Variants in MED13 observed in about 807,000 individuals in gnomAD.
MED13 encodes the protein mediator of RNA polymerase II transcription subunit 13.
A neutral mutation model predicts 225.2 loss-of-function variants in MED13; 23 were observed. The observed-to-expected ratio is 0.10, with a 90% confidence interval of 0.07 to 0.14. The LOEUF (loss-of-function observed/expected upper bound fraction) is 0.14, where lower values mean the gene tolerates loss of function less well. Among genes scored for constraint, MED13 ranks in the 10% least tolerant of loss-of-function variants. The pLI is 1.00. For synonymous variants in MED13, 942 were observed against 889.2 expected, an observed-to-expected ratio of 1.06 and a Z score of -1.06; for missense variants, 2,197 against 2,594.5, an observed-to-expected ratio of 0.85 and a Z score of 3.33.
rs549893917 is a variant in MED13, at chr17:62,029,705, C to T, written c.1173-54G>A. The T allele has an allele frequency of 4.5e-6, 7 of 1,541,296 alleles. No homozygotes were observed. The African/African-American group carries it at 9.6e-5, about 21-fold the overall frequency. ...AAATTCATAAAATTTTCTATCAAAC[C>T]TCAATGTAGCATTGAAATTAATTTT... On this transcript the variant is annotated intron_variant, in intron 7 of 29. Transcript: ENST00000397786.
At chr17:62,050,997 T>A (rs1340157680) in intron 3 of MED13, among the ~76,000 whole-genome samples, 1 of 152,170 alleles carries the variant, frequency 6.6e-6, no homozygotes, top group Non-Finnish European at 1.5e-5. Context: ...AGAGTGAGAC[T>A]TTGTCTCAAA....
chr17:62,058,520 C>CA (rs751957495), intron 2 of MED13, among the ~76,000 whole-genome samples: 2,598 of 52,374 alleles, frequency 0.05, 90 homozygotes, highest in African/African-American at 0.063. Flanking sequence ...GACTTCATCT[C>CA]AAAAAAAAAA....
chr17:62,020,559 T>C (rs2080630743), intron 8 of MED13, among the ~76,000 whole-genome samples: 1 of 151,980 alleles, frequency 6.6e-6, no homozygotes, highest in African/African-American at 2.4e-5. Flanking sequence ...TTTTGTACTT[T>C]TAGTAGAGAT....
At chr17:61,975,781 C>G (rs779143924) in intron 16 of MED13, among the ~76,000 whole-genome samples, 1 of 151,980 alleles carries the variant, frequency 6.6e-6, no homozygotes, top group Non-Finnish European at 1.5e-5. Context: ...TTTGGGAGGC[C>G]GAGGCAGGCA....
At chr17:61,946,850 T>G in intron 29 of MED13, 67 bp downstream of exon 29, 1 of 1,425,342 alleles carries the variant, frequency 7.0e-7, no homozygotes, top group East Asian at 2.3e-5. Context: ...GAGAAAAATA[T>G]ATAAGAATCA....
intron 26 of MED13, among the ~76,000 whole-genome samples, chr17:61,954,859 G>T (rs144919108): frequency 6.6e-6 from 1 of 152,278 alleles, no homozygotes; most frequent in African/African-American, 2.4e-5. Context: ...AAGAATGATT[G>T]TATTAGTTTC....
chr17:62,060,054 G>A (rs1402279649), intron 2 of MED13, among the ~76,000 whole-genome samples: 3 of 152,116 alleles, frequency 2.0e-5, no homozygotes, highest in Non-Finnish European at 4.4e-5. Context: ...CACTTTGGGA[G>A]GCCGAGGCGG....
chr17:61,960,214 G>A (rs2079987082), intron 23 of MED13, among the ~76,000 whole-genome samples: 1 of 151,988 alleles, frequency 6.6e-6, no homozygotes, highest in Non-Finnish European at 1.5e-5. Context: ...AAATAACTGG[G>A]CGTGATATTT....
chr17:61,951,106 A>C (rs983982995), intron 27 of MED13, 108 bp from the exon 28 acceptor site: 5 of 775,826 alleles, frequency 6.4e-6, no homozygotes, highest in Admixed American at 3.3e-5. Flanking sequence ...TATGACATCG[A>C]TTTAATAAAA....
At chr17:62,011,450 C>T (rs2080508246) in intron 8 of MED13, among the ~76,000 whole-genome samples, 1 of 152,130 alleles carries the variant, frequency 6.6e-6, no homozygotes, top group Admixed American at 6.5e-5. Context: ...CCAATTATCT[C>T]ATGCTCATTT....
intron 8 of MED13, among the ~76,000 whole-genome samples, chr17:62,013,262 C>G (rs993993080): frequency 1.3e-5 from 2 of 152,078 alleles, no homozygotes; most frequent in African/African-American, 4.8e-5. Flanking sequence ...AGACCATTAT[C>G]TCTTAAGAAC....
intron 3 of MED13, among the ~76,000 whole-genome samples, chr17:62,043,507 T>C (rs941390226): frequency 2.2e-4 from 34 of 152,284 alleles, no homozygotes; most frequent in African/African-American, 7.9e-4. Context: ...CTTCTTGCCT[T>C]TGAGATTCTA....
intron 7 of MED13, 42 bp downstream of exon 7, chr17:62,029,809 T>A: frequency 2.6e-6 from 4 of 1,556,092 alleles, no homozygotes; most frequent in Non-Finnish European, 3.5e-6. Flanking sequence ...TATAAGTAAT[T>A]ATCAACATGC....
chr17:61,985,151 A>G, intron 12 of MED13, 61 bp from the exon 13 acceptor site: 4 of 1,361,718 alleles, frequency 2.9e-6, no homozygotes, highest in Non-Finnish European at 4.2e-6. Flanking sequence ...TCAAAATAGT[A>G]ATCATTCAGA....
At chr17:62,021,357 G>A (rs1169350613) in intron 8 of MED13, among the ~76,000 whole-genome samples, 3 of 141,388 alleles carry the variant, frequency 2.1e-5, no homozygotes, top group Admixed American at 7.0e-5. Context: ...GTGGCTGGCC[G>A]GGCGGGGGGC....
intron 4 of MED13, 150 bp from the exon 5 acceptor site, chr17:62,034,134 C>T (rs1450291489): frequency 1.5e-6 from 1 of 661,912 alleles, no homozygotes; most frequent in Admixed American, 2.9e-5. Flanking sequence ...ACTTATTATA[C>T]TTCGTTACTG....
intron 9 of MED13, among the ~76,000 whole-genome samples, chr17:61,999,821 C>T (rs958878199): frequency 6.6e-6 from 1 of 152,060 alleles, no homozygotes. Context: ...CTTTGGGAGG[C>T]CAAGGTAGTA....
chr17:62,062,677 A>G (rs896563476), intron 2 of MED13, among the ~76,000 whole-genome samples: 8 of 152,150 alleles, frequency 5.3e-5, no homozygotes, highest in African/African-American at 1.9e-4. Flanking sequence ...ATTCAATGCA[A>G]AAGACTCAAC....
chr17:62,063,044 T>C lies in MED13; in HGVS notation c.301+23A>G, dbSNP rs762944199. ...TATACAATGTTGCTATATCATTAGT[T>C]AGAAATGGAAAGTTTCTTTCACCTG... On this transcript the variant is annotated intron_variant, in intron 2 of 29. Coordinates refer to ENST00000397786, the MANE Select transcript of MED13 (RefSeq NM_005121.3). 27 of 1,553,684 alleles carry C rather than the reference T, an allele frequency of 1.7e-5. No individual in the cohort carries two copies. The South Asian group carries it at 2.9e-4, about 17-fold the overall frequency.
Sources: allele counts gnomAD v4.1 joint callset (sites outside exome capture counted in the v4.1 genomes callset), GRCh38; gene constraint gnomAD v4.1.1; transcripts MANE v1.5; gene names NCBI Gene and HGNC (gene_info 2026-07-23, HGNC 2026-07-21).